The following CD44 variants were observed in gnomAD, a reference collection of about 807,000 sequenced individuals.
CD44 encodes the protein CD44 molecule (IN blood group), also known as CD44 antigen.
In CD44, 49 loss-of-function variants were observed where a neutral mutation model predicts 88.8. The observed-to-expected ratio is 0.55, with a 90% confidence interval of 0.44 to 0.70. CD44 has a LOEUF of 0.70. CD44 is among the 30% of genes least tolerant of loss of function. The pLI is 0.00. For synonymous variants in CD44, 325 were observed against 312.3 expected (o/e 1.04, Z -0.43); for missense variants, 883 against 913.8 (o/e 0.97, Z 0.43).
Position 35,173,165 on chromosome 11 carries a change from T to A in CD44, c.68-3410T>A, listed in dbSNP as rs1237181439. Among the ~76,000 whole-genome samples, 3 of 152,360 alleles carry A rather than the reference T, an allele frequency of 2.0e-5. No homozygotes were observed. In the East Asian group the frequency reaches 5.8e-4, roughly 29 times the overall value. ...ATTGTCCATGCCTCAGAGTTGATTT[T>A]TAACCTGAGAGTGACAGCAGCCACC... On this transcript the variant is annotated intron_variant, in intron 1 of 17. Transcript: ENST00000428726.
intron 14 of CD44, 120 bp from the exon 15 acceptor site, chr11:35,214,732 G>A (rs1390576563): frequency 2.1e-6 from 1 of 472,168 alleles, no homozygotes; most frequent in Non-Finnish European, 3.7e-6. Context: ...ATCATTTTTT[G>A]GAATACCTTA....
chr11:35,166,053 A>G (rs1383045137), intron 1 of CD44, among the ~76,000 whole-genome samples: 1 of 152,250 alleles, frequency 6.6e-6, no homozygotes, highest in African/African-American at 2.4e-5. Flanking sequence ...ATACAATGAC[A>G]AAACCAAGTG....
At chr11:35,221,561 C>T in intron 16 of CD44, 93 bp from the exon 17 acceptor site, 3 of 1,058,772 alleles carry the variant, frequency 2.8e-6, no homozygotes, top group South Asian at 1.3e-5. Flanking sequence ...GACTGTGGTG[C>T]TTGTTTCAAC....
intron 1 of CD44, among the ~76,000 whole-genome samples, chr11:35,153,813 A>G (rs1191825090): frequency 2.0e-5 from 3 of 152,362 alleles, no homozygotes; most frequent in South Asian, 2.1e-4. Flanking sequence ...TTGGATGAAT[A>G]GCAGTAACCA....
chr11:35,148,899 ATCT>A (rs1380399698), intron 1 of CD44, among the ~76,000 whole-genome samples: 3 of 151,946 alleles, frequency 2.0e-5, no homozygotes, highest in South Asian at 2.1e-4. Context: ...GTCTATACAA[ATCT>A]TCTTTCATTT....
chr11:35,165,725 G>A (rs897227642), intron 1 of CD44, among the ~76,000 whole-genome samples: 1 of 152,136 alleles, frequency 6.6e-6, no homozygotes, highest in African/African-American at 2.4e-5. Flanking sequence ...GGAAGGCAAG[G>A]TGTGCCTGGG....
chr11:35,224,008 C>A (rs1450012405), intron 17 of CD44, among the ~76,000 whole-genome samples: 1 of 152,186 alleles, frequency 6.6e-6, no homozygotes, highest in African/African-American at 2.4e-5. Context: ...GAGTACCACC[C>A]CTTTTCTAAA....
intron 2 of CD44, among the ~76,000 whole-genome samples, chr11:35,180,040 A>G (rs934630410): frequency 6.6e-6 from 1 of 152,034 alleles, no homozygotes; most frequent in Non-Finnish European, 1.5e-5. Flanking sequence ...TTTTTTTTTA[A>G]AGCTCTTTAT....
intron 3 of CD44, among the ~76,000 whole-genome samples, chr11:35,181,783 TATAAATTTATATATAAA>T (rs1203057615): frequency 4.0e-5 from 4 of 100,962 alleles, no homozygotes; most frequent in African/African-American, 1.6e-4. Context: ...TATTTATTTA[TATAAATTTATATATAAA>T]TTATATTTAT....
At chr11:35,162,851 T>C (rs905757620) in intron 1 of CD44, among the ~76,000 whole-genome samples, 2 of 152,120 alleles carry the variant, frequency 1.3e-5, no homozygotes, top group Admixed American at 6.6e-5. Context: ...CTGCTTCTTA[T>C]GTGCATGCTC....
At position 35,162,308 on chromosome 11, in the gene CD44, T is replaced by A. The variant is rs575934275; in HGVS notation, c.68-14267T>A. Among the ~76,000 whole-genome samples the A allele has an allele frequency of 1.8e-4, 27 of 152,352 alleles. No individual in the cohort carries two copies. In the South Asian group the frequency reaches 4.6e-3, roughly 26 times the overall value. Reference sequence around the variant, plus strand: ...GTCACCAATGTCTATGGTGAAAGAATGGGCTTTTGCGAGGTATGGTCTCCT... The same window carrying A: ...GTCACCAATGTCTATGGTGAAAGAAAGGGCTTTTGCGAGGTATGGTCTCCT... On this transcript the variant is annotated intron_variant, in intron 1 of 17. Coordinates refer to ENST00000428726, the MANE Select transcript of CD44 (RefSeq NM_000610.4).
intron 15 of CD44, among the ~76,000 whole-genome samples, chr11:35,215,793 A>G (rs1948784682): frequency 6.6e-6 from 1 of 151,816 alleles, no homozygotes; most frequent in Non-Finnish European, 1.5e-5. Context: ...AATTGCTCGG[A>G]CCTGGCAGGC....
chr11:35,201,830 G>A (rs753186169), intron 9 of CD44, 43 bp downstream of exon 9: 5 of 1,596,960 alleles, frequency 3.1e-6, no homozygotes, highest in South Asian at 1.1e-5. Context: ...AGATGAATTA[G>A]TAAAGACATT....
At chr11:35,205,845 G>T in intron 10 of CD44, 1 of 1,078,972 alleles carries the variant, frequency 9.3e-7, no homozygotes, top group Non-Finnish European at 1.1e-6. Flanking sequence ...CTTTGATGTC[G>T]GTAACTCATC....
At chr11:35,141,648 G>T (rs1857964504) in intron 1 of CD44, among the ~76,000 whole-genome samples, 1 of 152,196 alleles carries the variant, frequency 6.6e-6, no homozygotes, top group Non-Finnish European at 1.5e-5. Flanking sequence ...AACCCTTGAG[G>T]TTCTCCCAGA....
At chr11:35,222,389 G>A (rs1949373796) in intron 17 of CD44, 2 of 1,296,884 alleles carry the variant, frequency 1.5e-6, no homozygotes, top group South Asian at 1.2e-5. Flanking sequence ...AGAGATTCAG[G>A]TTATAGCATA....
At chr11:35,223,283 C>T in intron 17 of CD44, 7 of 985,238 alleles carry the variant, frequency 7.1e-6, no homozygotes, top group Non-Finnish European at 8.4e-6. Flanking sequence ...CCTCATTTTC[C>T]CTTGGATTAC....
At chr11:35,169,475 G>A (rs543524409) in intron 1 of CD44, among the ~76,000 whole-genome samples, 4 of 151,682 alleles carry the variant, frequency 2.6e-5, no homozygotes, top group African/African-American at 9.7e-5. Flanking sequence ...TAATCTCACA[G>A]GTCCATGGAT....
intron 1 of CD44, 29 bp from the exon 2 acceptor site, chr11:35,176,546 G>A (rs752052394): frequency 6.3e-7 from 1 of 1,591,386 alleles, no homozygotes; most frequent in Non-Finnish European, 8.6e-7. Flanking sequence ...TTATGCAAAA[G>A]AATCTAACAT....
Sources: allele counts gnomAD v4.1 joint callset (sites outside exome capture counted in the v4.1 genomes callset), GRCh38; gene constraint gnomAD v4.1.1; transcripts MANE v1.5; gene names NCBI Gene and HGNC (gene_info 2026-07-23, HGNC 2026-07-21).